The following MYO1D variants were observed in gnomAD, a reference collection of about 807,000 sequenced individuals.
MYO1D encodes myosin ID.
A neutral mutation model predicts 122.0 loss-of-function variants in MYO1D; 83 were observed. The ratio of observed to expected loss-of-function variants is 0.68; its 90% CI spans 0.57 to 0.82. The LOEUF (loss-of-function observed/expected upper bound fraction) is 0.82, where lower values mean the gene tolerates loss of function less well. MYO1D is among the 40% of genes least tolerant of loss of function. The pLI is 0.00. For missense variants in MYO1D, 1,157 were observed against 1,269.5 expected (o/e 0.91, Z 1.35); for synonymous variants, 464 against 446.9 (o/e 1.04, Z -0.48).
chr17:32,726,189 T>G (rs914778541), intron 14 of MYO1D, among the ~76,000 whole-genome samples: 4 of 151,996 alleles, frequency 2.6e-5, no homozygotes, highest in African/African-American at 7.2e-5. Flanking sequence ...GAGGCCAAGG[T>G]GGGCAGATAA....
At chr17:32,535,245 C>T (rs905862228) in intron 21 of MYO1D, among the ~76,000 whole-genome samples, 1 of 152,100 alleles carries the variant, frequency 6.6e-6, no homozygotes, top group African/African-American at 2.4e-5. Context: ...AAACTTTTAG[C>T]TTATGTGAAA....
intron 21 of MYO1D, among the ~76,000 whole-genome samples, chr17:32,500,273 C>T (rs979839423): frequency 2.6e-5 from 4 of 152,206 alleles, no homozygotes; most frequent in African/African-American, 7.2e-5. Flanking sequence ...TCATCAACTT[C>T]GCACACTCAC....
At chr17:32,666,962 T>C (rs1471210020) in intron 16 of MYO1D, among the ~76,000 whole-genome samples, 2 of 152,252 alleles carry the variant, frequency 1.3e-5, no homozygotes, top group African/African-American at 4.8e-5. Context: ...GAGATGTCCA[T>C]ATTGAGATGA....
At chr17:32,634,117 A>C (rs2088063983) in intron 20 of MYO1D, among the ~76,000 whole-genome samples, 1 of 152,228 alleles carries the variant, frequency 6.6e-6, no homozygotes. Context: ...TGTGATGTAT[A>C]GATGATCTGA....
chr17:32,842,886 C>CTTTTTTTTTTTTTTTTTTTT, intron 1 of MYO1D, among the ~76,000 whole-genome samples: 1 of 104,458 alleles, frequency 9.6e-6, no homozygotes, highest in Non-Finnish European at 1.9e-5. Context: ...CTATTTCTTT[C>CTTTTTTTTTTTTTTTTTTTT]TTTTTTTTTT....
intron 20 of MYO1D, among the ~76,000 whole-genome samples, chr17:32,638,311 G>A (rs2088135179): frequency 2.0e-5 from 3 of 152,216 alleles, no homozygotes; most frequent in African/African-American, 7.2e-5. Flanking sequence ...AAAATATATG[G>A]TGAAAAGAAT....
chr17:32,501,203 G>A (rs1416926148), intron 21 of MYO1D, among the ~76,000 whole-genome samples: 1 of 152,152 alleles, frequency 6.6e-6, no homozygotes, highest in Non-Finnish European at 1.5e-5. Flanking sequence ...ATGTGATGAT[G>A]GTGATGATGA....
At chr17:32,496,723 C>A (rs1909128212) in intron 21 of MYO1D, among the ~76,000 whole-genome samples, 1 of 152,090 alleles carries the variant, frequency 6.6e-6, no homozygotes, top group Admixed American at 6.5e-5. Context: ...GAGCCTCCCT[C>A]CTGACCCTGG....
intron 1 of MYO1D, among the ~76,000 whole-genome samples, chr17:32,801,175 CA>C (rs1315384725): frequency 6.6e-6 from 1 of 152,102 alleles, no homozygotes; most frequent in Non-Finnish European, 1.5e-5. Flanking sequence ...ATATTATTTA[CA>C]AATCTTTACT....
chr17:32,589,457 C>A (rs888985586), intron 21 of MYO1D, among the ~76,000 whole-genome samples: 1 of 152,192 alleles, frequency 6.6e-6, no homozygotes, highest in Non-Finnish European at 1.5e-5. Context: ...ACTACCTGTG[C>A]CCTGTACTCA....
Position 32,605,139 on chromosome 17 carries a change from G to A in MYO1D, c.2812C>T (p.His938Tyr). 6 of 1,610,192 alleles carry A rather than the reference G, an allele frequency of 3.7e-6. No individual in the cohort carries two copies. The highest frequency in any genetic ancestry group is 4.2e-6 in the Non-Finnish European group (5 of 1,177,062). Residue 938 changes from histidine to tyrosine, a missense_variant, in exon 21 of 22, where the codon CAT (histidine) becomes TAT (tyrosine). By Grantham distance (83) the His-to-Tyr change is moderately conservative. Transcript: ENST00000318217. ...IVCLFSKQPT[H>Y]ESRIGELVGV... is the part of the protein sequence containing the mutation. ...ACAAGTTCTCCAATTCGACTCTCAT[G>A]GGTTGGCTGTTTGCTGAAGAGGCAG... is the stretch of plus-strand genomic sequence containing the variant.
At chr17:32,784,176 C>T (rs1003520080) in intron 1 of MYO1D, among the ~76,000 whole-genome samples, 7 of 152,202 alleles carry the variant, frequency 4.6e-5, no homozygotes, top group Non-Finnish European at 1.0e-4. Context: ...ACCAACAACA[C>T]TTCCACCCAC....
chr17:32,542,591 CA>C (rs1422713882), intron 21 of MYO1D, among the ~76,000 whole-genome samples: 1 of 140,366 alleles, frequency 7.1e-6, no homozygotes, highest in Admixed American at 7.5e-5. Context: ...ACTGCATTTG[CA>C]AACCCTGTAG....
intron 20 of MYO1D, among the ~76,000 whole-genome samples, chr17:32,622,570 C>G (rs547600770): frequency 6.6e-6 from 1 of 152,062 alleles, no homozygotes; most frequent in Non-Finnish European, 1.5e-5. Context: ...TCTGAACAAG[C>G]CTTTTAAAGT....
At chr17:32,645,718 G>A (rs575489583) in intron 19 of MYO1D, among the ~76,000 whole-genome samples, 76 of 151,954 alleles carry the variant, frequency 5.0e-4, no homozygotes, top group Admixed American at 2.2e-3. Context: ...TTGTGCATTC[G>A]TCATGTAGTT....
intron 21 of MYO1D, among the ~76,000 whole-genome samples, chr17:32,603,433 A>G (rs938202727): frequency 6.6e-6 from 1 of 152,074 alleles, no homozygotes; most frequent in African/African-American, 2.4e-5. Flanking sequence ...TTTGCTATAA[A>G]TATTAGCAGG....
chr17:32,782,427 T>G (rs754362039), intron 1 of MYO1D, among the ~76,000 whole-genome samples: 1 of 152,198 alleles, frequency 6.6e-6, no homozygotes, highest in Non-Finnish European at 1.5e-5. Flanking sequence ...TTAACCTCCA[T>G]GTGTTTCAGC....
chr17:32,635,098 C>T (rs1311302360), intron 20 of MYO1D, among the ~76,000 whole-genome samples: 1 of 152,186 alleles, frequency 6.6e-6, no homozygotes, highest in Non-Finnish European at 1.5e-5. Context: ...TATGGCGAGG[C>T]CTCATCTGAG....
intron 3 of MYO1D, 137 bp downstream of exon 3, chr17:32,778,343 G>A: frequency 1.6e-6 from 1 of 620,654 alleles, no homozygotes; most frequent in East Asian, 2.6e-5. Context: ...GAGAATCAAA[G>A]TAGCTTAATC....
Sources: allele counts gnomAD v4.1 joint callset (sites outside exome capture counted in the v4.1 genomes callset), GRCh38; gene constraint gnomAD v4.1.1; transcripts MANE v1.5; gene names NCBI Gene and HGNC (gene_info 2026-07-23, HGNC 2026-07-21).